The following PPARGC1A variants were observed in gnomAD, a reference collection of about 807,000 sequenced individuals.
PPARGC1A encodes the protein PPARG coactivator 1 alpha, also known as peroxisome proliferator-activated receptor gamma coactivator 1-alpha.
PPARGC1A carries 25 observed loss-of-function variants against 88.7 expected under a neutral mutation model. The observed-to-expected ratio is 0.28, with a 90% CI of 0.21 to 0.39. PPARGC1A has a LOEUF of 0.39. Among genes scored for constraint, PPARGC1A ranks in the 10% least tolerant of loss-of-function variants. The probability of loss-of-function intolerance (pLI) is 1.00; values close to 1 mark genes in which losing one functional copy is unlikely to be tolerated. For synonymous variants in PPARGC1A, 363 were observed against 355.6 expected (o/e 1.02, Z -0.24); for missense variants, 880 against 968.7 (o/e 0.91, Z 1.22).
the PPARGC1A span, among the ~76,000 whole-genome samples, chr4:24,021,296 T>C: frequency 6.6e-6 from 1 of 152,186 alleles, no homozygotes; most frequent in Non-Finnish European, 1.5e-5. Context: ...TCAGACAGGC[T>C]TACGCTGGGT....
At chr4:24,102,353 T>A in the PPARGC1A span, among the ~76,000 whole-genome samples, 2 of 152,208 alleles carry the variant, frequency 1.3e-5, no homozygotes, top group Non-Finnish European at 2.9e-5. Flanking sequence ...ACAACAGTGA[T>A]GTCCACACAG....
the PPARGC1A span, among the ~76,000 whole-genome samples, chr4:24,396,913 C>G: frequency 1.3e-3 from 205 of 152,234 alleles, 2 homozygotes; most frequent in Non-Finnish European, 9.7e-4. Context: ...TCATCACTCT[C>G]CAGTTACAAA....
the PPARGC1A span, among the ~76,000 whole-genome samples, chr4:24,354,236 A>T: frequency 1.3e-5 from 2 of 152,182 alleles, no homozygotes; most frequent in Non-Finnish European, 2.9e-5. Flanking sequence ...TCATGTGATT[A>T]CATTGGGCCC....
At chr4:24,065,830 C>T in the PPARGC1A span, among the ~76,000 whole-genome samples, 4 of 152,112 alleles carry the variant, frequency 2.6e-5, no homozygotes, top group African/African-American at 9.7e-5. Flanking sequence ...GGCAGCCCTA[C>T]CTGTTCATTC....
the PPARGC1A span, among the ~76,000 whole-genome samples, chr4:23,948,583 G>A: frequency 2.4e-4 from 36 of 152,110 alleles, no homozygotes; most frequent in Admixed American, 2.4e-3. Flanking sequence ...GGAAAAGGAA[G>A]TACTTAGAGA....
chr4:24,219,027 A>C, the PPARGC1A span, among the ~76,000 whole-genome samples: 7 of 152,212 alleles, frequency 4.6e-5, no homozygotes, highest in African/African-American at 1.7e-4. Flanking sequence ...CTTCAGATTA[A>C]AACAATTGTA....
the PPARGC1A span, among the ~76,000 whole-genome samples, chr4:24,071,451 TC>T: frequency 6.6e-6 from 1 of 152,152 alleles, no homozygotes; most frequent in Non-Finnish European, 1.5e-5. Context: ...ATTATGCCAT[TC>T]CTTTTATCAA....
chr4:24,371,933 A>C, the PPARGC1A span, among the ~76,000 whole-genome samples: 1 of 152,050 alleles, frequency 6.6e-6, no homozygotes, highest in Non-Finnish European at 1.5e-5. Context: ...CCTGGGTAAC[A>C]GACCAAGACT....
chr4:24,186,711 G>A, the PPARGC1A span, among the ~76,000 whole-genome samples: 4 of 151,990 alleles, frequency 2.6e-5, no homozygotes, highest in Non-Finnish European at 4.4e-5. Context: ...TGGAGCACAC[G>A]CTCCTTTTCT....
At chr4:23,924,509 C>G in the PPARGC1A span, among the ~76,000 whole-genome samples, 1 of 152,104 alleles carries the variant, frequency 6.6e-6, no homozygotes, top group Non-Finnish European at 1.5e-5. Flanking sequence ...GTAGTCCCAG[C>G]TACTTAGGAG....
At chr4:23,820,357 GT>G (rs1722791062) in intron 7 of PPARGC1A, 1 of 154,128 alleles carries the variant, frequency 6.5e-6, no homozygotes. Flanking sequence ...TTCTACTGCT[GT>G]TACAATGTTT....
chr4:24,043,567 A>C, the PPARGC1A span, among the ~76,000 whole-genome samples: 1 of 152,140 alleles, frequency 6.6e-6, no homozygotes, highest in Non-Finnish European at 1.5e-5. Context: ...TTCCTTGGGC[A>C]GTTTAAATGT....
chr4:24,152,098 A>G, the PPARGC1A span, among the ~76,000 whole-genome samples: 3 of 152,242 alleles, frequency 2.0e-5, no homozygotes, highest in African/African-American at 7.2e-5. Context: ...GGATCTGGAC[A>G]TGACATTCTG....
At chr4:24,294,729 A>C in the PPARGC1A span, among the ~76,000 whole-genome samples, 1 of 152,218 alleles carries the variant, frequency 6.6e-6, no homozygotes, top group African/African-American at 2.4e-5. Flanking sequence ...CTTCCTTTGA[A>C]AGATAAGAAG....
At chr4:23,829,319 G>T in intron 4 of PPARGC1A, 144 bp downstream of exon 4, 1 of 854,408 alleles carries the variant, frequency 1.2e-6, no homozygotes, top group Non-Finnish European at 1.8e-6. Context: ...GCTGTTTACG[G>T]AATCCCATTC....
chr4:24,217,639 C>T, the PPARGC1A span, among the ~76,000 whole-genome samples: 9 of 152,028 alleles, frequency 5.9e-5, no homozygotes, highest in Admixed American at 4.6e-4. Context: ...CTCATCTCTC[C>T]TAAAAATACA....
chr4:24,189,776 A>G, the PPARGC1A span, among the ~76,000 whole-genome samples: 1 of 152,262 alleles, frequency 6.6e-6, no homozygotes, highest in East Asian at 1.9e-4. Flanking sequence ...TAATGGATTA[A>G]GTCGTGGATA....
chr4:24,133,104 C>T, the PPARGC1A span, among the ~76,000 whole-genome samples: 6 of 152,112 alleles, frequency 3.9e-5, no homozygotes, highest in African/African-American at 1.4e-4. Context: ...TTTCTTTTCC[C>T]CTTCTAGCAA....
the PPARGC1A span, among the ~76,000 whole-genome samples, chr4:23,933,724 A>G: frequency 6.6e-6 from 1 of 152,216 alleles, no homozygotes; most frequent in Non-Finnish European, 1.5e-5. Flanking sequence ...CCACTTATTA[A>G]TAATCATAAT....
Sources: gnomAD v4.1 joint callset for allele counts (sites outside exome capture counted in the v4.1 genomes callset) on GRCh38, gnomAD v4.1.1 for gene constraint, MANE v1.5 for transcripts, NCBI Gene and HGNC (gene_info 2026-07-23, HGNC 2026-07-21) for gene names.